Variants in MRPL15 observed in about 807,000 individuals in gnomAD.
The protein encoded by MRPL15 is mitochondrial ribosomal protein L15.
Under a neutral mutation model 28.0 loss-of-function variants are expected in MRPL15, and 24 were observed. That is an observed-to-expected ratio of 0.86 (90% CI 0.62 to 1.21). The LOEUF is 1.21. Among genes scored for constraint, MRPL15 ranks in the 50% most tolerant of loss-of-function variants. The pLI is 0.00. For missense variants in MRPL15, 343 were observed against 372.4 expected, an observed-to-expected ratio of 0.92 and a Z score of 0.65; for synonymous variants, 124 against 137.0, an observed-to-expected ratio of 0.90 and a Z score of 0.66.
intron 4 of MRPL15, among the ~76,000 whole-genome samples, chr8:54,145,705 C>T (rs773050946): frequency 5.3e-5 from 8 of 152,192 alleles, no homozygotes; most frequent in Non-Finnish European, 8.8e-5. Context: ...TGAACTCCTG[C>T]GCTCAAGCAA....
chr8:54,143,600 G>A (rs755524318), intron 4 of MRPL15, among the ~76,000 whole-genome samples: 1 of 152,138 alleles, frequency 6.6e-6, no homozygotes, highest in Non-Finnish European at 1.5e-5. Context: ...GGGCCTTCAG[G>A]TTGCCTCTCT....
chr8:54,139,102 C>T (rs778015060), intron 3 of MRPL15, among the ~76,000 whole-genome samples: 11 of 152,004 alleles, frequency 7.2e-5, no homozygotes, highest in South Asian at 6.2e-4. Flanking sequence ...CGGGTTCAAG[C>T]GATTCTCTTG....
chr8:54,147,328 A>C, intron 4 of MRPL15, 54 bp from the exon 5 acceptor site: 1 of 1,319,110 alleles, frequency 7.6e-7, no homozygotes, highest in Non-Finnish European at 1.0e-6. Context: ...ATCTCTAGGT[A>C]TGTCTATGAG....
At chr8:54,138,408 C>T (rs955934306) in intron 3 of MRPL15, among the ~76,000 whole-genome samples, 2 of 148,210 alleles carry the variant, frequency 1.3e-5, no homozygotes, top group Non-Finnish European at 3.0e-5. Context: ...ACCTCTGCTG[C>T]CCAGGTTCAA....
chr8:54,141,411 T>G (rs775987586), intron 3 of MRPL15, among the ~76,000 whole-genome samples: 2 of 152,216 alleles, frequency 1.3e-5, no homozygotes, highest in African/African-American at 2.4e-5. Flanking sequence ...AAGGTTGTTA[T>G]GAGGATTAAG....
chr8:54,146,211 C>T (rs1811042465), intron 4 of MRPL15, among the ~76,000 whole-genome samples: 1 of 152,178 alleles, frequency 6.6e-6, no homozygotes, highest in Non-Finnish European at 1.5e-5. Context: ...CTTTGGGAGG[C>T]CAAGTGAAGT....
chr8:54,147,232 CAA>C, intron 4 of MRPL15, 148 bp from the exon 5 acceptor site: 9 of 585,806 alleles, frequency 1.5e-5, no homozygotes, highest in African/African-American at 3.8e-5. Flanking sequence ...AACTGCGTCT[CAA>C]AAAAAAAATA....
intron 3 of MRPL15, among the ~76,000 whole-genome samples, chr8:54,138,329 T>TA (rs1308972038): frequency 2.3e-5 from 3 of 128,462 alleles, no homozygotes; most frequent in Admixed American, 7.6e-5. Flanking sequence ...TTTTTTTTTT[T>TA]AAATAGAGAT....
chr8:54,141,633 A>C (rs1330383634), intron 3 of MRPL15, among the ~76,000 whole-genome samples: 1 of 152,162 alleles, frequency 6.6e-6, no homozygotes, highest in Non-Finnish European at 1.5e-5. Flanking sequence ...GCCTCCTCTC[A>C]CTACAATCCA....
intron 2 of MRPL15, 90 bp from the exon 3 acceptor site, chr8:54,137,178 T>G: frequency 7.7e-7 from 1 of 1,293,818 alleles, no homozygotes; most frequent in Non-Finnish European, 1.1e-6. Flanking sequence ...ATAAAATTGG[T>G]GGAGGAAAAC....
chr8:54,137,470 G>T (rs1410331493), intron 3 of MRPL15, 37 bp downstream of exon 3: 6 of 1,596,656 alleles, frequency 3.8e-6, no homozygotes, highest in Non-Finnish European at 5.1e-6. Context: ...TTATATAGGA[G>T]GATTTTTTTT....
chr8:54,143,689 C>T (rs557614391), intron 4 of MRPL15, among the ~76,000 whole-genome samples: 4 of 152,174 alleles, frequency 2.6e-5, no homozygotes, highest in Non-Finnish European at 5.9e-5. Flanking sequence ...TTGCACAAAA[C>T]CTGCAGTGGT....
chr8:54,143,624 C>T (rs1266556621), intron 4 of MRPL15, among the ~76,000 whole-genome samples: 1 of 152,166 alleles, frequency 6.6e-6, no homozygotes, highest in African/African-American at 2.4e-5. Flanking sequence ...TTGCTTCCAT[C>T]TGCAGTGGAG....
At position 54,135,409 on chromosome 8, in the gene MRPL15, G is replaced by A; in HGVS notation, c.108+18G>A. ...AGAAACCGGTAAATGGGTGGTGGCGGTGCGGGGAAGCGCTGGGGACCCGGG... is the reference window on the plus strand; with the variant it reads ...AGAAACCGGTAAATGGGTGGTGGCGATGCGGGGAAGCGCTGGGGACCCGGG... On this transcript the variant is annotated intron_variant, in intron 1 of 4. Coordinates refer to ENST00000260102, the MANE Select transcript of MRPL15 (RefSeq NM_014175.4). 1 of 1,523,690 alleles carries A rather than the reference G, an allele frequency of 6.6e-7. No homozygotes were observed. 94.4% of individuals were successfully genotyped at this position (1,523,690 alleles called of 1,614,324 possible).
rs563610061 is a variant in MRPL15, at chr8:54,143,087, C to CT, written c.553+312dup. Among the ~76,000 whole-genome samples, 90 of 147,286 alleles carry CT rather than the reference C, an allele frequency of 6.1e-4. 1 individual carries two copies. The highest frequency in any genetic ancestry group is 1.3e-3 in the South Asian group (6 of 4,644). On this transcript the variant is annotated intron_variant, in intron 4 of 4. Transcript: ENST00000260102. ...CATGTCTGAAATGTCTCTTTTCTCTCTTTTTTTTTTTAAGACAGAGTCTTG... is the reference window on the plus strand; with the variant it reads ...CATGTCTGAAATGTCTCTTTTCTCTCTTTTTTTTTTTTAAGACAGAGTCTTG...
chr8:54,137,783 T>C (rs1017223343), intron 3 of MRPL15, among the ~76,000 whole-genome samples: 15 of 151,930 alleles, frequency 9.9e-5, no homozygotes, highest in South Asian at 8.3e-4. Flanking sequence ...TATTTTTGAT[T>C]TCCAGATAAT....
intron 4 of MRPL15, among the ~76,000 whole-genome samples, chr8:54,143,458 G>A (rs1810966685): frequency 6.6e-6 from 1 of 152,072 alleles, no homozygotes; most frequent in African/African-American, 2.4e-5. Context: ...TCCAAAATTT[G>A]GAGTCCTGAA....
At chr8:54,135,705 A>G (rs1810818325) in intron 1 of MRPL15, among the ~76,000 whole-genome samples, 1 of 147,720 alleles carries the variant, frequency 6.8e-6, no homozygotes, top group South Asian at 2.1e-4. Flanking sequence ...TTGTATTTTT[A>G]GTAGAGACGT....
intron 3 of MRPL15, among the ~76,000 whole-genome samples, chr8:54,141,350 A>G (rs1241202222): frequency 6.6e-6 from 1 of 152,146 alleles, no homozygotes; most frequent in African/African-American, 2.4e-5. Flanking sequence ...ATTTCCATCT[A>G]TGAAGTCGGT....
Sources: gnomAD v4.1 joint callset for allele counts (sites outside exome capture counted in the v4.1 genomes callset) on GRCh38, gnomAD v4.1.1 for gene constraint, MANE v1.5 for transcripts, NCBI Gene and HGNC (gene_info 2026-07-23, HGNC 2026-07-21) for gene names.